Variants in EPHA6 observed in about 807,000 individuals in gnomAD.
EPHA6 encodes the protein ephrin type-A receptor 6.
In EPHA6, 50 loss-of-function variants were observed where a neutral mutation model predicts 112.0. That is an observed-to-expected ratio of 0.45 (90% CI 0.36 to 0.56). EPHA6 has a LOEUF of 0.56. Among genes scored for constraint, EPHA6 ranks in the 20% least tolerant of loss-of-function variants. The pLI, the probability that EPHA6 is intolerant of heterozygous loss-of-function variation, is 0.00. For synonymous variants in EPHA6, 529 were observed against 490.7 expected, an observed-to-expected ratio of 1.08 and a Z score of -1.03; for missense variants, 1,280 against 1,417.4, an observed-to-expected ratio of 0.90 and a Z score of 1.56.
intron 3 of EPHA6, among the ~76,000 whole-genome samples, chr3:97,148,832 C>A (rs909742550): frequency 1.3e-5 from 2 of 152,006 alleles, no homozygotes; most frequent in African/African-American, 2.4e-5. Flanking sequence ...AAAAATGAAA[C>A]ATTCCATTTC....
chr3:97,748,542 T>A, intron 17 of EPHA6, 45 bp from the exon 18 acceptor site: 1 of 898,526 alleles, frequency 1.1e-6, no homozygotes, highest in Non-Finnish European at 1.9e-6. Flanking sequence ...TCTCTCTTTC[T>A]TGCTCTCACT....
chr3:97,160,044 G>A (rs2076376108), intron 3 of EPHA6, among the ~76,000 whole-genome samples: 1 of 152,142 alleles, frequency 6.6e-6, no homozygotes, highest in Non-Finnish European at 1.5e-5. Context: ...ACTCAAAGGT[G>A]ACGATAGCCA....
intron 5 of EPHA6, among the ~76,000 whole-genome samples, chr3:97,291,360 G>T (rs1205378536): frequency 6.6e-6 from 1 of 152,116 alleles, no homozygotes; most frequent in Non-Finnish European, 1.5e-5. Flanking sequence ...TTAGAAAATG[G>T]TACTGTAAAT....
chr3:97,630,353 A>C (rs2093892345), intron 13 of EPHA6, among the ~76,000 whole-genome samples: 1 of 152,020 alleles, frequency 6.6e-6, no homozygotes, highest in Non-Finnish European at 1.5e-5. Flanking sequence ...TTCAATAAAA[A>C]GGAGATAGTT....
At chr3:97,210,763 A>C (rs1311855065) in intron 3 of EPHA6, among the ~76,000 whole-genome samples, 1 of 152,282 alleles carries the variant, frequency 6.6e-6, no homozygotes, top group East Asian at 1.9e-4. Context: ...AACACTGATC[A>C]TCTATTTTGC....
At chr3:97,029,932 T>C (rs1231507748) in intron 3 of EPHA6, among the ~76,000 whole-genome samples, 2 of 152,106 alleles carry the variant, frequency 1.3e-5, no homozygotes, top group Non-Finnish European at 2.9e-5. Context: ...GGATAAGCAA[T>C]TTGGTACTGC....
chr3:97,433,667 A>G (rs2089650423), intron 6 of EPHA6, among the ~76,000 whole-genome samples: 1 of 152,166 alleles, frequency 6.6e-6, no homozygotes, highest in Non-Finnish European at 1.5e-5. Flanking sequence ...AGAAAAATGT[A>G]TATCAAATAT....
chr3:97,624,088 A>C (rs1490407114), intron 13 of EPHA6, among the ~76,000 whole-genome samples: 3 of 151,732 alleles, frequency 2.0e-5, no homozygotes, highest in Non-Finnish European at 4.4e-5. Flanking sequence ...GAAGTTGTGA[A>C]AGTGCCATCC....
chr3:97,341,774 G>A (rs2083317688), intron 5 of EPHA6, among the ~76,000 whole-genome samples: 1 of 152,052 alleles, frequency 6.6e-6, no homozygotes, highest in Non-Finnish European at 1.5e-5. Context: ...AGTTAAGGGA[G>A]GTATATTCTC....
Position 97,250,378 on chromosome 3 carries a change from G to A in EPHA6, c.1606+6091G>A, listed in dbSNP as rs775099566. On this transcript the variant is annotated intron_variant, in intron 5 of 17. Transcript: ENST00000389672. ...TTTTGAGCAGTTGGCTTTTAGAGTC[G>A]TCAGCTGTGTTCTCTGAGGAATTCT... Among the ~76,000 whole-genome samples the A allele has an allele frequency of 3.1e-4, 47 of 152,100 alleles. 1 individual carries two copies. Among genetic ancestry groups the A allele is most frequent in the Non-Finnish European group, 1.3e-4 (9 of 68,014 alleles).
At chr3:97,509,843 C>G (rs1377183222) in intron 10 of EPHA6, among the ~76,000 whole-genome samples, 1 of 152,162 alleles carries the variant, frequency 6.6e-6, no homozygotes, top group Non-Finnish European at 1.5e-5. Flanking sequence ...TAGGTTTGGT[C>G]TTTTCACATA....
chr3:97,267,622 C>T (rs1340202274), intron 5 of EPHA6, among the ~76,000 whole-genome samples: 2 of 152,038 alleles, frequency 1.3e-5, no homozygotes, highest in African/African-American at 4.8e-5. Flanking sequence ...AGTTCACTTA[C>T]TTTAGCCTGG....
At chr3:97,239,159 A>T (rs2078768286) in intron 4 of EPHA6, among the ~76,000 whole-genome samples, 1 of 151,886 alleles carries the variant, frequency 6.6e-6, no homozygotes, top group Admixed American at 6.6e-5. Flanking sequence ...CATACTCCTG[A>T]ATTTTGAGTA....
chr3:97,744,154 C>A (rs2035619468), intron 16 of EPHA6, among the ~76,000 whole-genome samples: 1 of 151,888 alleles, frequency 6.6e-6, no homozygotes, highest in African/African-American at 2.4e-5. Flanking sequence ...CTAATTCTAG[C>A]CCCATTCTCA....
intron 5 of EPHA6, among the ~76,000 whole-genome samples, chr3:97,251,706 T>C (rs2079147467): frequency 6.6e-6 from 1 of 152,206 alleles, no homozygotes; most frequent in East Asian, 1.9e-4. Context: ...GTGTTTTTTC[T>C]TCCATGTATT....
At chr3:97,278,939 G>C (rs1171893269) in intron 5 of EPHA6, among the ~76,000 whole-genome samples, 1 of 152,188 alleles carries the variant, frequency 6.6e-6, no homozygotes, top group Non-Finnish European at 1.5e-5. Context: ...AAACAGGGCA[G>C]GATATTCCCA....
intron 3 of EPHA6, among the ~76,000 whole-genome samples, chr3:97,090,232 T>G (rs766090617): frequency 3.1e-4 from 47 of 152,202 alleles, no homozygotes; most frequent in Middle Eastern, 3.4e-3. Flanking sequence ...AAGTTACTAA[T>G]TTTTATCTTT....
At chr3:97,256,067 T>A (rs2079301599) in intron 5 of EPHA6, among the ~76,000 whole-genome samples, 1 of 152,098 alleles carries the variant, frequency 6.6e-6, no homozygotes, top group African/African-American at 2.4e-5. Context: ...TCTTTCCTCA[T>A]TTATGAAGAG....
chr3:97,251,905 T>A (rs559421702), intron 5 of EPHA6, among the ~76,000 whole-genome samples: 75 of 152,338 alleles, frequency 4.9e-4, no homozygotes, highest in African/African-American at 1.7e-3. Flanking sequence ...TGGCACAATG[T>A]TTTTTGTTTG....
Sources: gnomAD v4.1 joint callset for allele counts (sites outside exome capture counted in the v4.1 genomes callset) on GRCh38, gnomAD v4.1.1 for gene constraint, MANE v1.5 for transcripts, NCBI Gene and HGNC (gene_info 2026-07-23, HGNC 2026-07-21) for gene names.